The following TMTC1 variants were observed in gnomAD, a reference collection of about 807,000 sequenced individuals.
TMTC1 encodes the protein transmembrane O-mannosyltransferase targeting cadherins 1, also known as protein O-mannosyl-transferase TMTC1.
TMTC1 carries 73 observed loss-of-function variants against 104.8 expected under a neutral mutation model. The ratio of observed to expected loss-of-function variants is 0.70; its 90% CI spans 0.58 to 0.85. The LOEUF (loss-of-function observed/expected upper bound fraction) is 0.85. TMTC1 is among the 40% of genes least tolerant of loss of function. The pLI, the probability that TMTC1 is intolerant of heterozygous loss-of-function variation, is 0.00. For missense variants in TMTC1, 1,035 were observed against 1,096.1 expected (o/e 0.94, Z 0.79); for synonymous variants, 434 against 428.7 (o/e 1.01, Z -0.15).
chr12:29,720,671 G>A (rs917386644), intron 5 of TMTC1, among the ~76,000 whole-genome samples: 12 of 151,886 alleles, frequency 7.9e-5, no homozygotes, highest in Admixed American at 3.3e-4. Context: ...AGAAATGGGG[G>A]AGAGTAAGAA....
At chr12:29,591,555 T>C (rs1027648387) in intron 7 of TMTC1, among the ~76,000 whole-genome samples, 14 of 152,216 alleles carry the variant, frequency 9.2e-5, no homozygotes, top group African/African-American at 3.4e-4. Flanking sequence ...AGATGCATTT[T>C]CAAAGCACGT....
intron 5 of TMTC1, among the ~76,000 whole-genome samples, chr12:29,646,677 C>T (rs75511432): frequency 0.015 from 2,298 of 152,224 alleles, 56 homozygotes; most frequent in African/African-American, 0.053. Flanking sequence ...TGGAAAACTA[C>T]GCTCATTGAC....
intron 5 of TMTC1, among the ~76,000 whole-genome samples, chr12:29,655,665 G>A (rs1048819003): frequency 6.6e-6 from 1 of 152,146 alleles, no homozygotes; most frequent in African/African-American, 2.4e-5. Context: ...TGAATTTGAA[G>A]CTCAGTGTAA....
intron 5 of TMTC1, among the ~76,000 whole-genome samples, chr12:29,666,754 T>C (rs1389094504): frequency 6.6e-6 from 1 of 152,226 alleles, no homozygotes; most frequent in Non-Finnish European, 1.5e-5. Context: ...AAACACCTGA[T>C]AATTTTTGCC....
At chr12:29,738,102 C>T (rs1942729435) in intron 5 of TMTC1, among the ~76,000 whole-genome samples, 1 of 152,180 alleles carries the variant, frequency 6.6e-6, no homozygotes, top group Non-Finnish European at 1.5e-5. Flanking sequence ...ATGCTAGAGT[C>T]TTCACATATG....
At chr12:29,716,164 G>A (rs1361753923) in intron 5 of TMTC1, among the ~76,000 whole-genome samples, 1 of 152,002 alleles carries the variant, frequency 6.6e-6, no homozygotes, top group African/African-American at 2.4e-5. Flanking sequence ...GAGCACAGGT[G>A]CATACCACTA....
At chr12:29,668,063 C>G (rs562663317) in intron 5 of TMTC1, among the ~76,000 whole-genome samples, 1 of 152,338 alleles carries the variant, frequency 6.6e-6, no homozygotes, top group East Asian at 1.9e-4. Flanking sequence ...GTTTATTCAG[C>G]ATGTTTCCAA....
At chr12:29,755,667 C>A in intron 4 of TMTC1, 42 bp downstream of exon 4, 1 of 1,573,296 alleles carries the variant, frequency 6.4e-7, no homozygotes, top group South Asian at 1.1e-5. Context: ...TTTTCTCTGC[C>A]CATGACATGC....
intron 5 of TMTC1, among the ~76,000 whole-genome samples, chr12:29,744,051 A>G (rs1279321305): frequency 6.6e-6 from 1 of 152,186 alleles, no homozygotes; most frequent in African/African-American, 2.4e-5. Context: ...GCCTGTTGTG[A>G]CAGTGATGGA....
At chr12:29,742,255 T>G (rs568910708) in intron 5 of TMTC1, among the ~76,000 whole-genome samples, 2 of 152,308 alleles carry the variant, frequency 1.3e-5, no homozygotes, top group South Asian at 4.1e-4. Context: ...CTGTTTGGGT[T>G]TGATTGTATT....
intron 17 of TMTC1, among the ~76,000 whole-genome samples, chr12:29,509,981 C>T (rs1160204715): frequency 2.0e-5 from 3 of 152,118 alleles, no homozygotes; most frequent in Admixed American, 6.5e-5. Context: ...AACAACTATA[C>T]CCATTATTTT....
chr12:29,768,979 ATACCCT>A (rs1312532217), intron 1 of TMTC1, among the ~76,000 whole-genome samples: 1 of 152,214 alleles, frequency 6.6e-6, no homozygotes, highest in Non-Finnish European at 1.5e-5. Context: ...GGGAGCACTG[ATACCCT>A]AAGTGGTGCT....
At chr12:29,759,717 C>T (rs768009688) in intron 2 of TMTC1, among the ~76,000 whole-genome samples, 6 of 152,124 alleles carry the variant, frequency 3.9e-5, no homozygotes, top group Non-Finnish European at 8.8e-5. Context: ...GACACCAGGG[C>T]TGAGGCTGGG....
At chr12:29,551,319 G>A (rs1192094156) in intron 10 of TMTC1, among the ~76,000 whole-genome samples, 2 of 152,130 alleles carry the variant, frequency 1.3e-5, no homozygotes, top group African/African-American at 4.8e-5. Flanking sequence ...TAGTGCCAAA[G>A]GTATTAGGAA....
chr12:29,758,222 T>C (rs1039670383), intron 3 of TMTC1, among the ~76,000 whole-genome samples: 1 of 152,228 alleles, frequency 6.6e-6, no homozygotes, highest in Admixed American at 6.5e-5. Flanking sequence ...GATGAAACTA[T>C]ATGTAAATTG....
At chr12:29,725,429 GTT>G (rs1373756188) in intron 5 of TMTC1, among the ~76,000 whole-genome samples, 3 of 151,946 alleles carry the variant, frequency 2.0e-5, no homozygotes, top group Non-Finnish European at 4.4e-5. Flanking sequence ...AGCCTCCCAG[GTT>G]CAAGTGATTC....
At position 29,783,124 on chromosome 12, in the gene TMTC1, C is replaced by G; in HGVS notation, c.302+326G>C. 3.4e-6 allele frequency: 1 copy of G among 293,286 alleles called. No individual in the cohort carries two copies. The highest frequency in any genetic ancestry group is 6.3e-6 in the Non-Finnish European group (1 of 158,708). The allele number at this position is 293,286 out of a possible 1,614,324, so 18.2% of individuals were successfully genotyped here. On this transcript the variant is annotated intron_variant, in intron 1 of 17. Transcript: ENST00000539277. This position sits in a 1 kb window ranked among gnomAD's most constrained non-coding sequence, Gnocchi z 4.7. ...CGCGCTAGTCCCACTTGGTCACGAT[C>G]CGGCAGGCGAAGGGGTGCGGAGGCG... is the stretch of plus-strand genomic sequence containing the variant.
At chr12:29,559,545 A>G (rs1191539530) in intron 9 of TMTC1, among the ~76,000 whole-genome samples, 3 of 152,256 alleles carry the variant, frequency 2.0e-5, no homozygotes, top group Admixed American at 1.3e-4. Flanking sequence ...CAGAAGCGCT[A>G]TAAGAGAAAA....
intron 5 of TMTC1, among the ~76,000 whole-genome samples, chr12:29,685,379 AAC>A (rs1565768021): frequency 6.6e-6 from 1 of 152,064 alleles, no homozygotes; most frequent in East Asian, 1.9e-4. Context: ...AAAAAAAAAA[AAC>A]TTTCCAGGAA....
Sources: allele counts gnomAD v4.1 joint callset (sites outside exome capture counted in the v4.1 genomes callset), GRCh38; gene constraint gnomAD v4.1.1; non-coding constraint Gnocchi (gnomAD v3.1); transcripts MANE v1.5; gene names NCBI Gene and HGNC (gene_info 2026-07-23, HGNC 2026-07-21).